The following DENND5A variants were observed in gnomAD, a reference collection of about 807,000 sequenced individuals.
DENND5A encodes DENN domain-containing protein 5A.
A neutral mutation model predicts 140.3 loss-of-function variants in DENND5A; 64 were observed. The observed-to-expected ratio is 0.46, with a 90% CI of 0.37 to 0.56. DENND5A has a LOEUF of 0.56. DENND5A is among the 20% of genes least tolerant of loss of function. The pLI, the probability that DENND5A is intolerant of heterozygous loss-of-function variation, is 0.00. For synonymous variants in DENND5A, 605 were observed against 607.7 expected (o/e 1.00, Z 0.07); for missense variants, 1,292 against 1,593.8 (o/e 0.81, Z 3.22).
rs1456307301 is a variant in DENND5A at position 9,181,049 on chromosome 11, G to A, written c.1173C>T (p.Phe391=). The part of the protein sequence containing the change: ...NLCFVDIDNH[F]IELPEDLPQF... ...GTGGCAAGTCCTCTGGCAACTCAATGAAGTGGTTGTCAATGTCCACAAAGC... is the reference window on the plus strand; with the variant it reads ...GTGGCAAGTCCTCTGGCAACTCAATAAAGTGGTTGTCAATGTCCACAAAGC... Residue 391 remains phenylalanine (F), a synonymous_variant, in exon 6 of 23, where the codon TTC becomes TTT. Transcript: ENST00000328194. 2 of 1,614,148 alleles carry A rather than the reference G, an allele frequency of 1.2e-6. No individual in the cohort carries two copies. The highest frequency in any genetic ancestry group is 2.2e-5 in the South Asian group (2 of 91,074).
intron 1 of DENND5A, among the ~76,000 whole-genome samples, chr11:9,250,043 TTAA>T (rs1384399149): frequency 1.2e-4 from 14 of 115,472 alleles, no homozygotes; most frequent in African/African-American, 4.1e-4. Context: ...AAAATAAAAT[TTAA>T]AAAAAAAAAA....
rs144653760 is a variant in DENND5A, at chr11:9,246,699, AAAG to A, written c.109+18259_109+18261del. ...TCTAAGGTTTGTTCCTGAAGGGCTT[AAAG>A]AAAGTCACTCCCCCTAACTAGTTAT... is the stretch of plus-strand genomic sequence containing the variant. On this transcript the variant is annotated intron_variant, in intron 1 of 22. Transcript: ENST00000328194. 3.3e-3 allele frequency among the ~76,000 whole-genome samples: 500 copies of A among 151,926 alleles called. 1 individual carries two copies. The highest frequency in any genetic ancestry group is 0.012 in the African/African-American group (479 of 41,456).
intron 11 of DENND5A, among the ~76,000 whole-genome samples, chr11:9,163,726 C>T (rs1472080665): frequency 6.6e-6 from 1 of 151,298 alleles, no homozygotes; most frequent in African/African-American, 2.4e-5. Flanking sequence ...ATTGCTTGAA[C>T]CTGGGAGGCA....
intron 5 of DENND5A, among the ~76,000 whole-genome samples, chr11:9,190,876 T>G (rs1311308570): frequency 6.6e-6 from 1 of 152,148 alleles, no homozygotes; most frequent in Non-Finnish European, 1.5e-5. Flanking sequence ...CAAAGCCAGC[T>G]CTCTTCCCCT....
chr11:9,196,953 A>T (rs553388565), intron 4 of DENND5A, among the ~76,000 whole-genome samples: 159 of 151,906 alleles, frequency 1.0e-3, no homozygotes, highest in Non-Finnish European at 1.7e-3. Context: ...CATAGTGTAT[A>T]TGTATAATTT....
intron 4 of DENND5A, among the ~76,000 whole-genome samples, chr11:9,195,519 T>C (rs1849294711): frequency 6.6e-6 from 1 of 152,174 alleles, no homozygotes; most frequent in Non-Finnish European, 1.5e-5. Context: ...TGAGCTGTCA[T>C]AGGAATTAAA....
At chr11:9,184,817 A>G (rs575196385) in intron 5 of DENND5A, among the ~76,000 whole-genome samples, 2 of 152,318 alleles carry the variant, frequency 1.3e-5, no homozygotes, top group African/African-American at 4.8e-5. Flanking sequence ...TATTCTGTTG[A>G]TATTAACTCT....
At position 9,264,991 on chromosome 11, in the gene DENND5A, C is replaced by G; in HGVS notation, c.79G>C (p.Glu27Gln). ...DYFVICGLDT[E>Q]TGLEPDELSA... ...AGCTCGTCCGGCTCCAGCCCGGTCTCCGTGTCCAGTCCGCAGATGACAAAG... is the reference window on the plus strand; with the variant it reads ...AGCTCGTCCGGCTCCAGCCCGGTCTGCGTGTCCAGTCCGCAGATGACAAAG... Residue 27 changes from glutamate to glutamine, a missense_variant, in exon 1 of 23, where the codon GAG (glutamate) becomes CAG (glutamine). Physicochemically the swap from Glu to Gln is conservative, Grantham distance 29. Transcript: ENST00000328194. 1 of 1,589,080 alleles carries G rather than the reference C, an allele frequency of 6.3e-7. No individual in the cohort carries two copies. The highest frequency in any genetic ancestry group is 8.5e-7 in the Non-Finnish European group (1 of 1,169,888).
chr11:9,198,609 CAA>C (rs539954795), intron 4 of DENND5A, among the ~76,000 whole-genome samples: 2 of 132,060 alleles, frequency 1.5e-5, no homozygotes, highest in Non-Finnish European at 1.6e-5. Flanking sequence ...GACTCCACCT[CAA>C]AAAAAAAAAG....
At chr11:9,159,472 C>A (rs1847911316) in intron 12 of DENND5A, among the ~76,000 whole-genome samples, 1 of 152,022 alleles carries the variant, frequency 6.6e-6, no homozygotes, top group South Asian at 2.1e-4. Context: ...AGGCATGCAC[C>A]ACCACCTGGC....
rs545567496 is a variant in DENND5A at position 9,264,918 on chromosome 11, A to G, written c.109+43T>C. ...AAGGTTTCTTCTGGGGTCCCCGACG[A>G]CAGCGGGCGCGGGAAAGCGCCCCGG... On this transcript the variant is annotated intron_variant, in intron 1 of 22. Transcript: ENST00000328194. 6.3e-4 allele frequency: 937 copies of G among 1,476,674 alleles called. 2 individuals are homozygous for G. The highest frequency in any genetic ancestry group is 1.2e-3 in the South Asian group (96 of 82,772). 91.5% of individuals were successfully genotyped at this position (1,476,674 alleles called of 1,614,324 possible). A position where few individuals can be genotyped will look rare whatever the true frequency, so the allele number is the denominator to read the frequency against.
At chr11:9,258,926 T>C (rs1454633056) in intron 1 of DENND5A, among the ~76,000 whole-genome samples, 1 of 152,176 alleles carries the variant, frequency 6.6e-6, no homozygotes, top group Non-Finnish European at 1.5e-5. Context: ...TCCTAGACAG[T>C]CACCTTTTTC....
intron 1 of DENND5A, among the ~76,000 whole-genome samples, chr11:9,233,218 G>A (rs551441481): frequency 1.3e-5 from 2 of 152,136 alleles, no homozygotes; most frequent in Admixed American, 6.5e-5. Flanking sequence ...GGCCAGCATC[G>A]TGAAACCTCG....
chr11:9,238,150 T>C (rs1227971226), intron 1 of DENND5A, among the ~76,000 whole-genome samples: 1 of 152,120 alleles, frequency 6.6e-6, no homozygotes, highest in Admixed American at 6.6e-5. Flanking sequence ...TCCTTATAAT[T>C]AACTCTTAAC....
At chr11:9,196,520 T>C (rs1282742800) in intron 4 of DENND5A, among the ~76,000 whole-genome samples, 3 of 152,184 alleles carry the variant, frequency 2.0e-5, no homozygotes, top group African/African-American at 7.2e-5. Context: ...GAGGCAGAAG[T>C]TACACACTTC....
intron 12 of DENND5A, among the ~76,000 whole-genome samples, chr11:9,155,020 G>A (rs1038106988): frequency 6.6e-6 from 1 of 151,880 alleles, no homozygotes; most frequent in Non-Finnish European, 1.5e-5. Context: ...ATGGTGACAG[G>A]CACCTGTAAT....
At chr11:9,147,607 G>C (rs776979915) in intron 15 of DENND5A, among the ~76,000 whole-genome samples, 1 of 152,156 alleles carries the variant, frequency 6.6e-6, no homozygotes, top group Non-Finnish European at 1.5e-5. Context: ...CCACAAGTCA[G>C]AACACTGCTC....
At chr11:9,175,954 T>G (rs1848533972) in intron 8 of DENND5A, among the ~76,000 whole-genome samples, 1 of 152,162 alleles carries the variant, frequency 6.6e-6, no homozygotes, top group African/African-American at 2.4e-5. Flanking sequence ...ACTGATAAAT[T>G]GGGCCTCATC....
intron 1 of DENND5A, among the ~76,000 whole-genome samples, chr11:9,259,802 G>T (rs1262711814): frequency 2.6e-5 from 4 of 152,048 alleles, no homozygotes; most frequent in Non-Finnish European, 5.9e-5. Context: ...GCCAATGCGG[G>T]TGGGTCACCT....
Sources: gnomAD v4.1 joint callset for allele counts (sites outside exome capture counted in the v4.1 genomes callset) on GRCh38, gnomAD v4.1.1 for gene constraint, MANE v1.5 for transcripts, NCBI Gene and HGNC (gene_info 2026-07-23, HGNC 2026-07-21) for gene names.